DGKQ: variants seen among roughly 807,000 people sequenced by gnomAD.
The protein encoded by DGKQ is DAG kinase theta.
Under a neutral mutation model 104.2 loss-of-function variants are expected in DGKQ, and 97 were observed. The observed-to-expected ratio is 0.93, with a 90% confidence interval of 0.79 to 1.10. The LOEUF (loss-of-function observed/expected upper bound fraction) is 1.10. DGKQ is among the 50% of genes least tolerant of loss of function. The pLI, the probability that DGKQ is intolerant of heterozygous loss-of-function variation, is 0.00. For missense variants in DGKQ, 1,465 were observed against 1,352.1 expected (o/e 1.08, Z -1.31); for synonymous variants, 736 against 595.2 (o/e 1.24, Z -3.44).
At position 967,218 on chromosome 4, in the gene DGKQ, G is replaced by C; in HGVS notation, c.1131C>G (p.Pro377=). 2 of 1,580,840 alleles carry C rather than the reference G, an allele frequency of 1.3e-6. No individual in the cohort carries two copies. The highest frequency in any genetic ancestry group is 1.7e-6 in the Non-Finnish European group (2 of 1,165,096). The change falls in exon 9 of 23, where the codon CCC becomes CCG. Residue 377 remains proline (P), a synonymous_variant. Transcript: ENST00000273814. ...SAVISEEGRS[P]GSGEATPEAW... ...CCTCTGGCGTGGCCTCGCCGGACCCGGGGCTTCTGCCCTCCTCCGAGATCA... is the reference window on the plus strand; with the variant it reads ...CCTCTGGCGTGGCCTCGCCGGACCCCGGGCTTCTGCCCTCCTCCGAGATCA...
chr4:964,541 G>A (rs868825485), intron 15 of DGKQ, among the ~76,000 whole-genome samples: 15 of 121,904 alleles, frequency 1.2e-4, no homozygotes, highest in African/African-American at 3.6e-4. Flanking sequence ...CGTTCCCCCC[G>A]GCCCTGCCCT....
Position 967,958 on chromosome 4 carries a change from G to T in DGKQ, c.733C>A (p.Pro245Thr). 6.7e-7 allele frequency: 1 copy of T among 1,487,824 alleles called. No individual in the cohort carries two copies. Among genetic ancestry groups the T allele is most frequent in the Non-Finnish European group, 8.9e-7 (1 of 1,127,126 alleles). The allele number at this position is 1,487,824 out of a possible 1,614,324, so 92.2% of individuals were successfully genotyped here. ...GFGRLRSLVLPPACVRLLPGG... is the reference protein window; with the variant it reads ...GFGRLRSLVLTPACVRLLPGG... ...GGCAGAAGGCGCACGCACGCGGGAG[G>T]CAGGACCAGGGAGCGCAGACGCCCG... The change falls in exon 6 of 23, where the codon CCT (proline) becomes ACT (threonine). Residue 245 changes from proline to threonine, a missense_variant. Coordinates refer to ENST00000273814, the MANE Select transcript of DGKQ (RefSeq NM_001347.4).
Position 967,743 on chromosome 4 carries a change from C to T in DGKQ, c.871G>A (p.Ala291Thr). Residue 291 changes from alanine to threonine, a missense_variant, in exon 7 of 23, where the codon GCA (alanine) becomes ACA (threonine). Transcript: ENST00000273814. ...AAVGPGRETQ[A>T]TPESGKQTLK... The stretch of plus-strand genomic sequence containing the variant: ...GGGCACTTACCGGACTCCGGAGTTG[C>T]CTGTGTCTCTCTGCCTGGACCCACG... 1 of 1,610,952 alleles carries T rather than the reference C, an allele frequency of 6.2e-7. No homozygotes were observed. The highest frequency in any genetic ancestry group is 8.5e-7 in the Non-Finnish European group (1 of 1,179,112).
rs200558303 is a variant in DGKQ at position 962,920 on chromosome 4, C to A, written c.1887G>T (p.Gly629=). ...AGGGCACCTGGGAGAACAGGTGGAGCCTAGCGGGAGACAGGAAGTGTCCTC... is the reference window on the plus strand; with the variant it reads ...AGGGCACCTGGGAGAACAGGTGGAGACTAGCGGGAGACAGGAAGTGTCCTC... The part of the protein sequence containing the change: ...FDLTNGGPLP[G]LHLFSQVPCF... Residue 629 remains glycine (G), a splice_region_variant and synonymous_variant, in exon 17 of 23, where the codon GGG becomes GGT. Coordinates refer to ENST00000273814, the MANE Select transcript of DGKQ (RefSeq NM_001347.4). 1 of 1,606,704 alleles carries A rather than the reference C, an allele frequency of 6.2e-7. No homozygotes were observed. Among genetic ancestry groups the A allele is most frequent in the Non-Finnish European group, 8.5e-7 (1 of 1,177,304 alleles).
rs766313922 is a variant in DGKQ at position 961,998 on chromosome 4, C to T, written c.2299G>A (p.Gly767Ser). 9.9e-6 allele frequency: 16 copies of T among 1,613,078 alleles called. No homozygotes were observed. The highest frequency in any genetic ancestry group is 1.3e-5 in the Non-Finnish European group (15 of 1,179,956). Residue 767 changes from glycine to serine, a missense_variant, in exon 19 of 23, where the codon GGC becomes AGC. By Grantham distance (56) the Gly-to-Ser change is moderately conservative. Coordinates refer to ENST00000273814, the MANE Select transcript of DGKQ (RefSeq NM_001347.4). Reference sequence around the variant, plus strand: ...CTCCGGTACCTGCTTGTGAACTTGCCAGGCTCCTCTTCCCGTGCCTGGTGG... The same window carrying T: ...CTCCGGTACCTGCTTGTGAACTTGCTAGGCTCCTCTTCCCGTGCCTGGTGG... Reference protein sequence around the residue: ...DFHQAREEEPGKFTSRLHNKG... With the variant: ...DFHQAREEEPSKFTSRLHNKG...
intron 1 of DGKQ, among the ~76,000 whole-genome samples, chr4:972,751 G>A (rs1250639039): frequency 6.6e-6 from 1 of 152,244 alleles, no homozygotes; most frequent in Non-Finnish European, 1.5e-5. Context: ...CAAGAGCTGG[G>A]CAGCTGGGTG....
chr4:967,305 G>A lies in DGKQ; in HGVS notation c.1044C>T (p.Cys348=). 1 of 1,541,468 alleles carries A rather than the reference G, an allele frequency of 6.5e-7. No individual in the cohort carries two copies. The change falls in exon 9 of 23, where the codon TGC becomes TGT. Residue 348 remains cysteine (C), a synonymous_variant. Coordinates refer to ENST00000273814, the MANE Select transcript of DGKQ (RefSeq NM_001347.4). ...IPEDPGHLEL[C]RLPPSSQACD... is the part of the protein sequence containing the mutation. ...AGGCCTGAGAGGAAGGGGGCAGCCG[G>A]CACAGCTCCAGGTGGCCAGGGTCCT... is the stretch of plus-strand genomic sequence containing the variant.
Position 961,178 on chromosome 4 carries a change from G to C in DGKQ, c.2598C>G (p.Arg866=). The stretch of plus-strand genomic sequence containing the variant: ...AACCCTGGGCAATCCGGATTCCGGA[G>C]CGCAGCCCACCCTGGACCTGGCCCT... The part of the protein sequence containing the change: ...VHMGQVQGGL[R]SGIRIAQGSY... The change falls in exon 22 of 23, where the codon CGC becomes CGG. Residue 866 remains arginine (R), a synonymous_variant. Transcript: ENST00000273814. 6.3e-7 allele frequency: 1 copy of C among 1,585,456 alleles called. No individual in the cohort carries two copies.
chr4:967,400 G>T, intron 8 of DGKQ, 39 bp from the exon 9 acceptor site: 2 of 1,399,092 alleles, frequency 1.4e-6, no homozygotes, highest in Non-Finnish European at 9.7e-7. Flanking sequence ...GTTGTGGGGG[G>T]TCAGGCGGGG....
rs1577491771 is a variant in DGKQ, at chr4:971,910, C to T, written c.272-838G>A. ...AGGCCCCGCTGGTGCCGCCCTTCAC[C>T]TGCTGCAGCCCTAGCCACCCCAGTC... On this transcript the variant is annotated intron_variant, in intron 1 of 22. Transcript: ENST00000273814. This position sits in a 1 kb window ranked among gnomAD's most constrained non-coding sequence, Gnocchi z 4.0. Among the ~76,000 whole-genome samples, 1 of 152,166 alleles carries T rather than the reference C, an allele frequency of 6.6e-6. No individual in the cohort carries two copies. Among genetic ancestry groups the T allele is most frequent in the Non-Finnish European group, 1.5e-5 (1 of 68,000 alleles).
chr4:960,794 TCCTGGGGCCCCGGG>T (rs1019327151), intron 22 of DGKQ, 73 bp from the exon 23 acceptor site: 8 of 1,568,874 alleles, frequency 5.1e-6, no homozygotes, highest in Middle Eastern at 1.7e-4. Context: ...CAGCCCCCGG[TCCTGGGGCCCCGGG>T]CAGCTGATGC....
In DGKQ at chr4:973,495, C is replaced by A. The variant is rs1332361077; in HGVS notation, c.-13G>T. On this transcript the variant is annotated 5_prime_UTR_variant, in exon 1 of 23. Transcript: ENST00000273814. ...CCGCCGCCGCCATTCCCGGCCCGAG[C>A]GGCCCGAGCCCCTTTAGGTCCGCGC... 1 of 987,552 alleles carries A rather than the reference C, an allele frequency of 1.0e-6. No individual in the cohort carries two copies. The highest frequency in any genetic ancestry group is 1.2e-6 in the Non-Finnish European group (1 of 832,358). The allele number at this position is 987,552 out of a possible 1,614,324, so 61.2% of individuals were successfully genotyped here.
rs1044771299 is a variant in DGKQ, at chr4:958,987, C to A, written c.*1633G>T. 1.9e-5 allele frequency: 3 copies of A among 161,220 alleles called. No homozygotes were observed. Among genetic ancestry groups the A allele is most frequent in the Non-Finnish European group, 2.7e-5 (2 of 74,352 alleles). 10.0% of individuals were successfully genotyped at this position (161,220 alleles called of 1,614,324 possible). ...GGGCCCGGTGTGCAGGGCACAGACC[C>A]CACCTGGGTACAGACTCACATACAG... On this transcript the variant is annotated 3_prime_UTR_variant, in exon 23 of 23. Transcript: ENST00000273814.
intron 2 of DGKQ, among the ~76,000 whole-genome samples, chr4:969,993 G>C (rs545392734): frequency 6.6e-6 from 1 of 152,272 alleles, no homozygotes; most frequent in African/African-American, 2.4e-5. Flanking sequence ...AAGTATAGAA[G>C]ACATTAAAAT....
At chr4:969,734 C>T (rs534123286) in intron 2 of DGKQ, among the ~76,000 whole-genome samples, 8 of 151,886 alleles carry the variant, frequency 5.3e-5, no homozygotes, top group Non-Finnish European at 7.4e-5. Context: ...CTCAGCCTCC[C>T]GAGTAGCTGG....
chr4:967,784 GCGCCGT>G lies in DGKQ; in HGVS notation c.824_829del (p.Asp275_Gly276del), dbSNP rs766120029. 1 of 1,604,820 alleles carries G rather than the reference GCGCCGT, an allele frequency of 6.2e-7. No individual in the cohort carries two copies. Among genetic ancestry groups the G allele is most frequent in the Non-Finnish European group, 8.5e-7 (1 of 1,176,334 alleles). On this transcript the variant is annotated inframe_deletion, in exon 7 of 23. Transcript: ENST00000273814. The stretch of plus-strand genomic sequence containing the variant: ...TGGACCCACGGCAGCGCTCCCGTCG[GCGCCGT>G]CGCCCCCCTCGCCTGCGGGTCGGGC...
In DGKQ at chr4:971,132, G is replaced by A; in HGVS notation, c.272-60C>T. On this transcript the variant is annotated intron_variant, in intron 1 of 22. Transcript: ENST00000273814. The surrounding 1 kb of genome is among the most constrained non-coding windows in gnomAD (Gnocchi z 4.0). ...TCCTACCCAATGGCTGTCCTACCCAGGAAGTTAGAGGCCCCAGGGCAATGA... is the reference window on the plus strand; with the variant it reads ...TCCTACCCAATGGCTGTCCTACCCAAGAAGTTAGAGGCCCCAGGGCAATGA... 1.5e-6 allele frequency: 2 copies of A among 1,307,924 alleles called. No homozygotes were observed. The highest frequency in any genetic ancestry group is 1.1e-6 in the Non-Finnish European group (1 of 929,664). 81.0% of individuals were successfully genotyped at this position (1,307,924 alleles called of 1,614,324 possible).
chr4:963,389 C>G, intron 15 of DGKQ, 99 bp from the exon 16 acceptor site: 1 of 1,170,918 alleles, frequency 8.5e-7, no homozygotes, highest in Non-Finnish European at 1.2e-6. Flanking sequence ...CTGAGCCCAC[C>G]TGGCTTGGAC....
In DGKQ at chr4:968,493, C is replaced by T. The variant is rs371483831; in HGVS notation, c.523G>A (p.Gly175Arg). Residue 175 changes from glycine to arginine, a missense_variant, in exon 4 of 23, where the codon GGG becomes AGG. Coordinates refer to ENST00000273814, the MANE Select transcript of DGKQ (RefSeq NM_001347.4). ...CSDCRQCHQD[G>R]HQDHDTHHHH... is the part of the protein sequence containing the mutation. Reference sequence around the variant, plus strand: ...GGTACACTCACGTGATCCTGGTGCCCATCCTGGTGGCACTGGCGGCAGTCA... The same window carrying T: ...GGTACACTCACGTGATCCTGGTGCCTATCCTGGTGGCACTGGCGGCAGTCA... 1.4e-5 allele frequency: 23 copies of T among 1,606,954 alleles called. No homozygotes were observed. The highest frequency in any genetic ancestry group is 1.9e-5 in the Non-Finnish European group (22 of 1,177,324).
Sources: gnomAD v4.1 joint callset for allele counts (sites outside exome capture counted in the v4.1 genomes callset) on GRCh38, gnomAD v4.1.1 for gene constraint, Gnocchi (gnomAD v3.1) non-coding constraint, MANE v1.5 for transcripts, NCBI Gene and HGNC (gene_info 2026-07-23, HGNC 2026-07-21) for gene names.